The following MBOAT1 variants were observed in gnomAD, a reference collection of about 807,000 sequenced individuals.
MBOAT1 encodes membrane-bound glycerophospholipid O-acyltransferase 1.
A neutral mutation model predicts 64.4 loss-of-function variants in MBOAT1; 67 were observed. The ratio of observed to expected loss-of-function variants is 1.04; its 90% CI spans 0.85 to 1.27. MBOAT1 has a LOEUF of 1.27. Among genes scored for constraint, MBOAT1 ranks in the 50% most tolerant of loss-of-function variants. The pLI is 0.00. For synonymous variants in MBOAT1, 229 were observed against 218.9 expected (o/e 1.05, Z -0.41); for missense variants, 563 against 604.6 (o/e 0.93, Z 0.72).
chr6:20,103,915 C>T (rs1759877070), intron 12 of MBOAT1, among the ~76,000 whole-genome samples: 1 of 152,120 alleles, frequency 6.6e-6, no homozygotes, highest in African/African-American at 2.4e-5. Context: ...ACAGTAATAT[C>T]CTAGGCCTTC....
At chr6:20,128,822 C>A in intron 5 of MBOAT1, 69 bp from the exon 6 acceptor site, 2 of 1,078,744 alleles carry the variant, frequency 1.9e-6, no homozygotes, top group Non-Finnish European at 2.7e-6. Flanking sequence ...ATAAAAGGGT[C>A]TTATCAAAGT....
chr6:20,191,245 C>T (rs1393543468), intron 1 of MBOAT1, among the ~76,000 whole-genome samples: 3 of 152,160 alleles, frequency 2.0e-5, no homozygotes, highest in Non-Finnish European at 4.4e-5. Flanking sequence ...CTTCTAATTT[C>T]CACCCTGGGA....
intron 12 of MBOAT1, among the ~76,000 whole-genome samples, chr6:20,104,717 G>A (rs575301035): frequency 1.3e-5 from 2 of 152,306 alleles, no homozygotes; most frequent in East Asian, 3.9e-4. Flanking sequence ...ACAAGGTCAG[G>A]CACATTAGAA....
chr6:20,189,766 C>G (rs1762752639), intron 1 of MBOAT1, among the ~76,000 whole-genome samples: 1 of 151,674 alleles, frequency 6.6e-6, no homozygotes. Flanking sequence ...ACTCCACTTC[C>G]AAGTGAGATC....
intron 1 of MBOAT1, among the ~76,000 whole-genome samples, chr6:20,208,400 C>T (rs894277619): frequency 1.7e-4 from 24 of 140,768 alleles, no homozygotes; most frequent in African/African-American, 4.2e-4. Context: ...GAGCCGAGAT[C>T]GTGCCACTGC....
intron 1 of MBOAT1, among the ~76,000 whole-genome samples, chr6:20,193,154 C>T (rs1431137946): frequency 2.0e-5 from 3 of 151,314 alleles, no homozygotes; most frequent in South Asian, 2.1e-4. Flanking sequence ...TACAGGTGCC[C>T]GCCACCGCGC....
At chr6:20,206,149 C>G (rs1488791318) in intron 1 of MBOAT1, among the ~76,000 whole-genome samples, 1 of 152,144 alleles carries the variant, frequency 6.6e-6, no homozygotes, top group African/African-American at 2.4e-5. Context: ...CTTTTCCAGA[C>G]CTCCCACTGC....
At chr6:20,155,383 C>G (rs1761646377) in intron 1 of MBOAT1, among the ~76,000 whole-genome samples, 1 of 151,158 alleles carries the variant, frequency 6.6e-6, no homozygotes. Context: ...ATCTTATCAT[C>G]TAACTGGGGA....
chr6:20,118,421 A>C lies in MBOAT1; in HGVS notation c.1011+16T>G. On this transcript the variant is annotated intron_variant, in intron 9 of 12. Transcript: ENST00000324607. ...TTTCTTCACTATGGAAGTTGGACTT[A>C]AAAGCATACACTCACCTCAATTTTC... 1 of 1,599,962 alleles carries C rather than the reference A, an allele frequency of 6.3e-7. No individual in the cohort carries two copies. Among genetic ancestry groups the C allele is most frequent in the South Asian group, 1.1e-5 (1 of 90,770 alleles).
At chr6:20,180,211 C>G (rs1317117500) in intron 1 of MBOAT1, among the ~76,000 whole-genome samples, 1 of 152,194 alleles carries the variant, frequency 6.6e-6, no homozygotes, top group Non-Finnish European at 1.5e-5. Context: ...TATGTCATCT[C>G]CATTACTAGC....
At chr6:20,149,125 CA>C (rs926096970) in intron 3 of MBOAT1, among the ~76,000 whole-genome samples, 3 of 142,174 alleles carry the variant, frequency 2.1e-5, no homozygotes, top group South Asian at 2.3e-4. Context: ...AAAAACCAAA[CA>C]AAAAAAGGAA....
intron 1 of MBOAT1, among the ~76,000 whole-genome samples, chr6:20,166,757 G>GTT (rs1762025971): frequency 6.6e-6 from 1 of 152,030 alleles, no homozygotes; most frequent in Admixed American, 6.6e-5. Context: ...GGGCAAGAGA[G>GTT]TAAGACCTCA....
rs1486876696 is a variant in MBOAT1 at position 20,100,395 on chromosome 6, C to T, written c.*1891G>A. 6.6e-6 allele frequency among the ~76,000 whole-genome samples: 1 copy of T among 152,172 alleles called. No individual in the cohort carries two copies. The highest frequency in any genetic ancestry group is 2.4e-5 in the African/African-American group (1 of 41,446). ...ACAGATTTTAGATACCTACAACCCC[C>T]TTCCCCTACCCACTATCTAAGATTC... On this transcript the variant is annotated 3_prime_UTR_variant, in exon 13 of 13. Coordinates refer to ENST00000324607, the MANE Select transcript of MBOAT1 (RefSeq NM_001080480.3).
intron 5 of MBOAT1, 45 bp downstream of exon 5, chr6:20,131,097 CAT>C: frequency 6.7e-7 from 1 of 1,499,650 alleles, no homozygotes; most frequent in Non-Finnish European, 9.3e-7. Context: ...AAGAGCTCTG[CAT>C]GTCAGGCTCA....
intron 1 of MBOAT1, among the ~76,000 whole-genome samples, chr6:20,166,703 C>T (rs148721159): frequency 6.8e-4 from 104 of 152,084 alleles, no homozygotes; most frequent in African/African-American, 2.3e-3. Context: ...TTTGGGAGGC[C>T]GAGGCGGGAG....
At chr6:20,149,100 CAAA>C (rs60045654) in intron 3 of MBOAT1, among the ~76,000 whole-genome samples, 2,237 of 91,770 alleles carry the variant, frequency 0.024, 50 homozygotes, top group African/African-American at 0.066. Context: ...GACTCTGTCT[CAAA>C]AAAAAAAAAA....
intron 12 of MBOAT1, among the ~76,000 whole-genome samples, chr6:20,108,003 A>G (rs958886185): frequency 6.6e-6 from 1 of 152,134 alleles, no homozygotes; most frequent in African/African-American, 2.4e-5. Flanking sequence ...TTGGAGCCGG[A>G]AGCATGTGGG....
chr6:20,111,835 C>CATATATATATAT, intron 11 of MBOAT1, among the ~76,000 whole-genome samples: 20 of 86,756 alleles, frequency 2.3e-4, no homozygotes, highest in South Asian at 8.5e-4. Context: ...CATATATATA[C>CATATATATATAT]ACATATATAT....
At chr6:20,211,889 T>C (rs1414592117) in intron 1 of MBOAT1, among the ~76,000 whole-genome samples, 1 of 151,718 alleles carries the variant, frequency 6.6e-6, no homozygotes, top group Non-Finnish European at 1.5e-5. Flanking sequence ...AAAAGTTCAG[T>C]AGAACTTGCC....
Sources: gnomAD v4.1 joint callset for allele counts (sites outside exome capture counted in the v4.1 genomes callset) on GRCh38, gnomAD v4.1.1 for gene constraint, MANE v1.5 for transcripts, NCBI Gene and HGNC (gene_info 2026-07-23, HGNC 2026-07-21) for gene names.